Variants in ZMYM4 observed in about 807,000 individuals in gnomAD.
ZMYM4 encodes the protein zinc finger MYM-type protein 4.
A neutral mutation model predicts 183.2 loss-of-function variants in ZMYM4; 31 were observed. That is an observed-to-expected ratio of 0.17 (90% CI 0.13 to 0.23). The LOEUF (loss-of-function observed/expected upper bound fraction) is 0.23. Among genes scored for constraint, ZMYM4 ranks in the 10% least tolerant of loss-of-function variants. The probability of loss-of-function intolerance (pLI) is 1.00; values close to 1 mark genes in which losing one functional copy is unlikely to be tolerated. For synonymous variants in ZMYM4, 592 were observed against 631.2 expected, an observed-to-expected ratio of 0.94 and a Z score of 0.93; for missense variants, 1,273 against 1,840.3, an observed-to-expected ratio of 0.69 and a Z score of 5.64.
At chr1:35,292,853 C>T (rs1364673783) in intron 1 of ZMYM4, among the ~76,000 whole-genome samples, 1 of 152,094 alleles carries the variant, frequency 6.6e-6, no homozygotes, top group Non-Finnish European at 1.5e-5. Context: ...GGAGTTCCCC[C>T]ATTTCCCCAC....
At chr1:35,328,478 TA>T (rs1642601251) in intron 2 of ZMYM4, among the ~76,000 whole-genome samples, 2 of 134,878 alleles carry the variant, frequency 1.5e-5, no homozygotes, top group African/African-American at 6.0e-5. Flanking sequence ...TTTTTTTTTG[TA>T]GAGATTAGGT....
intron 2 of ZMYM4, among the ~76,000 whole-genome samples, chr1:35,349,964 T>TA (rs1006246891): frequency 4.0e-5 from 6 of 151,158 alleles, no homozygotes; most frequent in Admixed American, 1.3e-4. Flanking sequence ...TTTTCATTTT[T>TA]TATATATATA....
intron 16 of ZMYM4, 43 bp downstream of exon 16, chr1:35,392,395 G>T: frequency 6.3e-7 from 1 of 1,583,990 alleles, no homozygotes; most frequent in South Asian, 1.2e-5. Flanking sequence ...TATTTAGGTT[G>T]AATGCAGTGG....
chr1:35,376,633 C>T (rs1453883907), intron 7 of ZMYM4, among the ~76,000 whole-genome samples: 3 of 152,088 alleles, frequency 2.0e-5, no homozygotes, highest in African/African-American at 7.2e-5. Flanking sequence ...AAGTGATTCT[C>T]CTGCCTCAGC....
intron 2 of ZMYM4, among the ~76,000 whole-genome samples, chr1:35,341,458 G>A (rs1245500555): frequency 6.6e-6 from 1 of 151,776 alleles, no homozygotes; most frequent in Non-Finnish European, 1.5e-5. Context: ...AATATTTATT[G>A]TGCTTTTTCT....
chr1:35,368,061 G>GACCCCCC (rs1558095413), intron 5 of ZMYM4, among the ~76,000 whole-genome samples: 1 of 98,288 alleles, frequency 1.0e-5, no homozygotes, highest in Middle Eastern at 5.1e-3. Context: ...CAAATCCAGC[G>GACCCCCC]CCCCCCCCCC....
intron 7 of ZMYM4, among the ~76,000 whole-genome samples, chr1:35,377,962 T>C (rs1398194284): frequency 6.6e-6 from 1 of 152,258 alleles, no homozygotes. Context: ...GACTCCACCA[T>C]TGCTTTATCA....
At chr1:35,295,026 T>C (rs1640938802) in intron 1 of ZMYM4, among the ~76,000 whole-genome samples, 1 of 152,208 alleles carries the variant, frequency 6.6e-6, no homozygotes, top group Non-Finnish European at 1.5e-5. Flanking sequence ...GTGCCTGTTA[T>C]GCATGAGGAA....
chr1:35,347,181 A>AT (rs1406919656), intron 2 of ZMYM4, among the ~76,000 whole-genome samples: 2 of 152,098 alleles, frequency 1.3e-5, no homozygotes, highest in Non-Finnish European at 2.9e-5. Context: ...AATTACTTGT[A>AT]TTTTTAGTAG....
chr1:35,285,350 T>G (rs1640425604), intron 1 of ZMYM4, among the ~76,000 whole-genome samples: 1 of 152,190 alleles, frequency 6.6e-6, no homozygotes, highest in African/African-American at 2.4e-5. Flanking sequence ...TTTATTTCTT[T>G]CAGCAATGTT....
intron 29 of ZMYM4, among the ~76,000 whole-genome samples, chr1:35,418,837 G>A (rs918404639): frequency 6.6e-6 from 1 of 152,122 alleles, no homozygotes; most frequent in African/African-American, 2.4e-5. Context: ...ACCTTTATGT[G>A]ATACCTAATC....
Position 35,402,832 on chromosome 1 carries a change from A to C in ZMYM4, c.3529-2191A>C, listed in dbSNP as rs1768555. Among the ~76,000 whole-genome samples, 9 of 151,754 alleles carry C rather than the reference A, an allele frequency of 5.9e-5. No individual in the cohort carries two copies. In the East Asian group the frequency reaches 1.2e-3, roughly 20 times the overall value. ...ATTATCTGTGAATAAAGACAGTTTT[A>C]CTTTGTAATCTGAATGCATTTTCTT... On this transcript the variant is annotated intron_variant, in intron 23 of 29. Transcript: ENST00000314607.
At chr1:35,344,004 A>G (rs1335671853) in intron 2 of ZMYM4, among the ~76,000 whole-genome samples, 2 of 152,054 alleles carry the variant, frequency 1.3e-5, no homozygotes, top group Non-Finnish European at 2.9e-5. Flanking sequence ...ATTTGGGGGA[A>G]AATTAACACC....
chr1:35,393,729 A>C lies in ZMYM4; in HGVS notation c.2901A>C (p.Glu967Asp), dbSNP rs766146728. The change falls in exon 18 of 30, where the codon GAA (glutamate) becomes GAC (aspartate). Residue 967 changes from glutamate (E) to aspartate (D), a missense_variant. Around this residue, in one of 6 missense-constraint regions of ZMYM4, gnomAD observed 290 missense variants for 353.3 expected, o/e 0.82. Coordinates refer to ENST00000314607, the MANE Select transcript of ZMYM4 (RefSeq NM_005095.3). Reference sequence around the variant, plus strand: ...GCAAACCACATACCCAAAACAAAGAATGCCAGACAGGTATGTTCCTTGGTC... The same window carrying C: ...GCAAACCACATACCCAAAACAAAGACTGCCAGACAGGTATGTTCCTTGGTC... ...TSCKPHTQNK[E>D]CQTEDTPSQP... The C allele has an allele frequency of 1.2e-6, 2 of 1,607,532 alleles. No individual in the cohort carries two copies. The highest frequency in any genetic ancestry group is 1.7e-6 in the Non-Finnish European group (2 of 1,177,338).
intron 18 of ZMYM4, among the ~76,000 whole-genome samples, chr1:35,395,584 A>G (rs973484815): frequency 5.9e-5 from 9 of 152,182 alleles, no homozygotes; most frequent in African/African-American, 2.2e-4. Flanking sequence ...AGGACTCTAT[A>G]TGCTCCTTGA....
Position 35,421,910 on chromosome 1 carries a change from A to G in ZMYM4, c.*2233A>G, listed in dbSNP as rs1356539683. On this transcript the variant is annotated 3_prime_UTR_variant, in exon 30 of 30. Transcript: ENST00000314607. ...TTCCCCTTACAGAAACCACAGAAATATTCCCTTAGAATAAAATAGTATATT... is the reference window on the plus strand; with the variant it reads ...TTCCCCTTACAGAAACCACAGAAATGTTCCCTTAGAATAAAATAGTATATT... 6.6e-6 allele frequency: 1 copy of G among 152,216 alleles called. No homozygotes were observed. Among genetic ancestry groups the G allele is most frequent in the African/African-American group, 2.4e-5 (1 of 41,468 alleles). The allele number at this position is 152,216 out of a possible 1,614,324, so 9.4% of individuals were successfully genotyped here. A position where few individuals can be genotyped will look rare whatever the true frequency, so the allele number is the denominator to read the frequency against.
chr1:35,323,154 AC>A (rs1558000092), intron 1 of ZMYM4, among the ~76,000 whole-genome samples: 4 of 151,564 alleles, frequency 2.6e-5, no homozygotes. Flanking sequence ...GGTGCCCGCC[AC>A]CACGCCCAGC....
At chr1:35,333,567 T>A (rs974243660) in intron 2 of ZMYM4, among the ~76,000 whole-genome samples, 4 of 152,078 alleles carry the variant, frequency 2.6e-5, no homozygotes, top group Non-Finnish European at 5.9e-5. Context: ...CCATATATGA[T>A]TTTTTAAGAG....
chr1:35,384,841 C>CTTTTTTTTTT (rs748891728), intron 9 of ZMYM4, among the ~76,000 whole-genome samples: 2 of 127,414 alleles, frequency 1.6e-5, no homozygotes, highest in African/African-American at 3.1e-5. Flanking sequence ...TTTTCTTTTT[C>CTTTTTTTTTT]TTTTTTTTTT....
Sources: allele counts gnomAD v4.1 joint callset (sites outside exome capture counted in the v4.1 genomes callset), GRCh38; gene constraint gnomAD v4.1.1; regional missense constraint gnomAD v4.1.1; transcripts MANE v1.5; gene names NCBI Gene and HGNC (gene_info 2026-07-23, HGNC 2026-07-21).